Variants in CNOT4 observed in about 807,000 individuals in gnomAD.
The protein encoded by CNOT4 is CCR4-NOT transcription complex subunit 4.
Under a neutral mutation model 73.8 loss-of-function variants are expected in CNOT4, and 8 were observed. The observed-to-expected ratio is 0.11, with a 90% CI of 0.06 to 0.20. The LOEUF (loss-of-function observed/expected upper bound fraction) is 0.20. CNOT4 is among the 10% of genes least tolerant of loss of function. The pLI is 1.00. For missense variants in CNOT4, 564 were observed against 883.4 expected, an observed-to-expected ratio of 0.64 and a Z score of 4.58; for synonymous variants, 293 against 321.1, an observed-to-expected ratio of 0.91 and a Z score of 0.94.
intron 5 of CNOT4, among the ~76,000 whole-genome samples, chr7:135,413,913 G>A (rs191276909): frequency 2.2e-4 from 34 of 152,082 alleles, no homozygotes; most frequent in African/African-American, 7.9e-4. Context: ...GTTATGAGTG[G>A]TTAGACACAT....
intron 10 of CNOT4, among the ~76,000 whole-genome samples, chr7:135,375,193 A>G (rs140479379): frequency 2.0e-5 from 3 of 152,370 alleles, no homozygotes; most frequent in African/African-American, 7.2e-5. Flanking sequence ...TGTGAGCTTC[A>G]TATTTTAAGA....
chr7:135,406,307 C>T (rs1413956553), intron 7 of CNOT4, among the ~76,000 whole-genome samples: 1 of 105,850 alleles, frequency 9.4e-6, no homozygotes, highest in Non-Finnish European at 1.8e-5. Flanking sequence ...ACCCCCCACC[C>T]TCCCCCCCAA....
At chr7:135,431,582 A>C (rs2129485014) in intron 2 of CNOT4, among the ~76,000 whole-genome samples, 1 of 152,148 alleles carries the variant, frequency 6.6e-6, no homozygotes, top group South Asian at 2.1e-4. Flanking sequence ...TCTCTACTAA[A>C]AATACAAAAA....
intron 10 of CNOT4, among the ~76,000 whole-genome samples, chr7:135,369,017 G>GT (rs112295492): frequency 0.078 from 11,811 of 152,216 alleles, 518 homozygotes; most frequent in Middle Eastern, 0.14. Flanking sequence ...AAGCCAATGG[G>GT]TTTTTCCAGC....
intron 1 of CNOT4, among the ~76,000 whole-genome samples, chr7:135,494,667 C>G (rs1278734742): frequency 1.3e-5 from 2 of 151,876 alleles, no homozygotes; most frequent in African/African-American, 4.8e-5. Flanking sequence ...AGATCAACAA[C>G]AAACAGTATA....
At chr7:135,469,195 GTATC>G (rs1801417487) in intron 1 of CNOT4, among the ~76,000 whole-genome samples, 1 of 151,942 alleles carries the variant, frequency 6.6e-6, no homozygotes. Context: ...TATTTATTGA[GTATC>G]TAGTATATAC....
chr7:135,362,613 C>T lies in CNOT4; in HGVS notation c.*272G>A, dbSNP rs563050086. The T allele has an allele frequency of 2.1e-4, 118 of 569,476 alleles. 2 individuals are homozygous for T. The South Asian group carries it at 2.3e-3, about 11-fold the overall frequency. The allele number at this position is 569,476 out of a possible 1,614,324, so 35.3% of individuals were successfully genotyped here. A position where few individuals can be genotyped will look rare whatever the true frequency, so the allele number is the denominator to read the frequency against. On this transcript the variant is annotated 3_prime_UTR_variant, in exon 12 of 12. Coordinates refer to ENST00000541284, the MANE Select transcript of CNOT4 (RefSeq NM_001190850.2). ...TAATTTTCTAAGTATTGAGACTGCC[C>T]TTTGATTTTTTTTTCTCTCCTTAAA...
At chr7:135,504,161 T>C (rs1432444289) in intron 1 of CNOT4, among the ~76,000 whole-genome samples, 1 of 152,198 alleles carries the variant, frequency 6.6e-6, no homozygotes, top group African/African-American at 2.4e-5. Flanking sequence ...TTAATGACCA[T>C]GTATCTGTTT....
At chr7:135,477,964 T>C (rs541741437) in intron 1 of CNOT4, among the ~76,000 whole-genome samples, 363 of 130,700 alleles carry the variant, frequency 2.8e-3, no homozygotes, top group African/African-American at 8.9e-3. Context: ...TTATATTTAA[T>C]ATAATAGATA....
chr7:135,401,763 T>C (rs1183918134), intron 7 of CNOT4, among the ~76,000 whole-genome samples: 2 of 151,962 alleles, frequency 1.3e-5, no homozygotes, highest in Non-Finnish European at 2.9e-5. Flanking sequence ...AAAACAGAGG[T>C]TGACAACCAT....
At chr7:135,447,393 C>T (rs1306170955) in intron 1 of CNOT4, among the ~76,000 whole-genome samples, 1 of 152,072 alleles carries the variant, frequency 6.6e-6, no homozygotes, top group African/African-American at 2.4e-5. Context: ...GACTGTATTA[C>T]CTTTAGGAAG....
intron 1 of CNOT4, among the ~76,000 whole-genome samples, chr7:135,498,297 CTAATA>C (rs1408486006): frequency 6.6e-6 from 1 of 152,164 alleles, no homozygotes; most frequent in Non-Finnish European, 1.5e-5. Context: ...AATATTTCCT[CTAATA>C]TGTCAAGTTT....
intron 7 of CNOT4, among the ~76,000 whole-genome samples, chr7:135,402,414 T>A (rs1399253407): frequency 6.6e-6 from 1 of 152,218 alleles, no homozygotes; most frequent in Admixed American, 6.5e-5. Flanking sequence ...TGGCTGAGAT[T>A]ACATATTTCT....
At chr7:135,479,816 G>C (rs1035644390) in intron 1 of CNOT4, among the ~76,000 whole-genome samples, 8 of 152,090 alleles carry the variant, frequency 5.3e-5, no homozygotes, top group Non-Finnish European at 5.9e-5. Context: ...CTTGAGCCTG[G>C]GAAGTGGAGG....
At chr7:135,505,698 A>G (rs1027956342) in intron 1 of CNOT4, among the ~76,000 whole-genome samples, 6 of 152,180 alleles carry the variant, frequency 3.9e-5, no homozygotes, top group African/African-American at 1.4e-4. Context: ...AGTAGCTTAT[A>G]ATTTCTCTTT....
intron 10 of CNOT4, among the ~76,000 whole-genome samples, chr7:135,371,838 G>A (rs1383603275): frequency 3.9e-5 from 6 of 152,086 alleles, no homozygotes; most frequent in East Asian, 1.9e-4. Flanking sequence ...GATGAGACCC[G>A]AACCACAATA....
chr7:135,429,419 T>C (rs1798691247), intron 2 of CNOT4, among the ~76,000 whole-genome samples: 1 of 152,188 alleles, frequency 6.6e-6, no homozygotes, highest in African/African-American at 2.4e-5. Flanking sequence ...TTCCTAGAAA[T>C]AATCATGTTG....
rs77916105 is a variant in CNOT4, at chr7:135,382,880, G to A, written c.1627+11038C>T. ...GAATCCAAGAATTTTGCAATCTGTG[G>A]AACCAATCCCCTACAGATACCTAGG... On this transcript the variant is annotated intron_variant, in intron 10 of 11. Coordinates refer to ENST00000541284, the MANE Select transcript of CNOT4 (RefSeq NM_001190850.2). Among the ~76,000 whole-genome samples the A allele has an allele frequency of 6.0e-4, 91 of 152,144 alleles. 1 individual carries two copies. In the East Asian group the frequency reaches 0.017, roughly 28 times the overall value.
intron 1 of CNOT4, among the ~76,000 whole-genome samples, chr7:135,482,719 G>C (rs1309186971): frequency 6.6e-6 from 1 of 152,084 alleles, no homozygotes; most frequent in African/African-American, 2.4e-5. Context: ...AGTGGCTAAC[G>C]CCTGTAATCC....
Sources: gnomAD v4.1 joint callset for allele counts (sites outside exome capture counted in the v4.1 genomes callset) on GRCh38, gnomAD v4.1.1 for gene constraint, MANE v1.5 for transcripts, NCBI Gene and HGNC (gene_info 2026-07-23, HGNC 2026-07-21) for gene names.